Variants in AAMDC observed in about 807,000 individuals in gnomAD.
The protein encoded by AAMDC is adipogenesis associated Mth938 domain containing.
AAMDC carries 16 observed loss-of-function variants against 15.5 expected under a neutral mutation model. The ratio of observed to expected loss-of-function variants is 1.03; its 90% confidence interval spans 0.70 to 1.57. The LOEUF (loss-of-function observed/expected upper bound fraction) is 1.57, where lower values mean the gene tolerates loss of function less well. Ranked by LOEUF, AAMDC falls within the 40% of genes most tolerant of loss-of-function variation. The probability of loss-of-function intolerance (pLI) is 0.00; values close to 1 mark genes in which losing one functional copy is unlikely to be tolerated. For synonymous variants in AAMDC, 51 were observed against 51.6 expected, an observed-to-expected ratio of 0.99 and a Z score of 0.05; for missense variants, 141 against 144.9, an observed-to-expected ratio of 0.97 and a Z score of 0.14.
intron 2 of AAMDC, among the ~76,000 whole-genome samples, chr11:77,845,631 T>C (rs1489033270): frequency 6.6e-6 from 1 of 152,140 alleles, no homozygotes; most frequent in Middle Eastern, 3.2e-3. Flanking sequence ...GGTTTTACCA[T>C]GTTGGCCAGG....
intron 1 of AAMDC, among the ~76,000 whole-genome samples, chr11:77,828,046 G>A (rs562933878): frequency 1.3e-5 from 2 of 152,286 alleles, no homozygotes; most frequent in East Asian, 1.9e-4. Context: ...GGCGAGGTAG[G>A]TGGATCACTT....
intron 1 of AAMDC, among the ~76,000 whole-genome samples, chr11:77,824,743 G>A (rs932495839): frequency 7.9e-5 from 12 of 152,250 alleles, no homozygotes; most frequent in Admixed American, 5.2e-4. Context: ...GGCACAAGGG[G>A]ACTTTGTAGA....
chr11:77,848,690 G>T (rs1950246285), intron 2 of AAMDC, among the ~76,000 whole-genome samples: 1 of 152,172 alleles, frequency 6.6e-6, no homozygotes, highest in African/African-American at 2.4e-5. Flanking sequence ...CTTAAGCACA[G>T]AGAAGTTATA....
At chr11:77,843,903 C>A in intron 2 of AAMDC, among the ~76,000 whole-genome samples, 1 of 152,124 alleles carries the variant, frequency 6.6e-6, no homozygotes, top group East Asian at 1.9e-4. Context: ...TGGATGGTGG[C>A]AGGCAAAGAG....
chr11:77,826,951 A>C (rs1483595255), intron 1 of AAMDC, among the ~76,000 whole-genome samples: 1 of 152,116 alleles, frequency 6.6e-6, no homozygotes, highest in Non-Finnish European at 1.5e-5. Context: ...CTAAAAATAC[A>C]AAAATTAGCC....
intron 2 of AAMDC, among the ~76,000 whole-genome samples, chr11:77,853,146 G>T (rs1378086468): frequency 6.6e-6 from 1 of 152,158 alleles, no homozygotes; most frequent in Non-Finnish European, 1.5e-5. Flanking sequence ...CCGTATTTTA[G>T]TATTACTAAC....
intron 5 of AAMDC, among the ~76,000 whole-genome samples, chr11:77,892,467 G>A (rs577763319): frequency 6.6e-6 from 1 of 152,284 alleles, no homozygotes; most frequent in African/African-American, 2.4e-5. Context: ...GGGATTCAGA[G>A]CTCTCATCTT....
In AAMDC at chr11:77,869,764, G is replaced by C; in HGVS notation, c.175G>C (p.Glu59Gln). The change falls in exon 3 of 4, where the codon GAG (glutamate) becomes CAG (glutamine). Residue 59 changes from glutamate to glutamine, a missense_variant. Glu to Gln is a conservative substitution (Grantham distance 29, BLOSUM62 2). Coordinates refer to ENST00000393427, the MANE Select transcript of AAMDC (RefSeq NM_024684.4). ...VQPADVKEVVEKGVQTLVIGR... is the reference protein window; with the variant it reads ...VQPADVKEVVQKGVQTLVIGR... ...GCCTGCAGATGTGAAGGAAGTTGTTGAGAAGGGTGTACAGACTCTTGTGAT... is the reference window on the plus strand; with the variant it reads ...GCCTGCAGATGTGAAGGAAGTTGTTCAGAAGGGTGTACAGACTCTTGTGAT... 1 of 1,614,014 alleles carries C rather than the reference G, an allele frequency of 6.2e-7. No individual in the cohort carries two copies. The highest frequency in any genetic ancestry group is 8.5e-7 in the Non-Finnish European group (1 of 1,179,928).
At chr11:77,837,660 T>G (rs1590933603) in intron 1 of AAMDC, among the ~76,000 whole-genome samples, 1 of 152,302 alleles carries the variant, frequency 6.6e-6, no homozygotes, top group East Asian at 1.9e-4. Context: ...GGTCTTGAAC[T>G]CCTGACCTCA....
chr11:77,881,912 T>G (rs945305642), intron 5 of AAMDC, among the ~76,000 whole-genome samples: 3 of 138,426 alleles, frequency 2.2e-5, no homozygotes, highest in Non-Finnish European at 4.6e-5. Flanking sequence ...TTTCTGATGG[T>G]TTTTTTTTTT....
chr11:77,823,395 A>T (rs1184276581), intron 1 of AAMDC, among the ~76,000 whole-genome samples: 4 of 151,974 alleles, frequency 2.6e-5, no homozygotes, highest in Non-Finnish European at 5.9e-5. Flanking sequence ...CAAACGGGCA[A>T]GTGTATATCT....
intron 5 of AAMDC, among the ~76,000 whole-genome samples, chr11:77,893,958 CAG>C (rs1225210741): frequency 6.7e-6 from 1 of 150,318 alleles, no homozygotes; most frequent in Non-Finnish European, 1.5e-5. Context: ...TTGAAAAAAA[CAG>C]ATGACTAATG....
At chr11:77,861,348 T>G (rs993150024) in intron 2 of AAMDC, among the ~76,000 whole-genome samples, 4 of 152,232 alleles carry the variant, frequency 2.6e-5, no homozygotes, top group African/African-American at 9.6e-5. Flanking sequence ...AGTGACTGGC[T>G]GTCCTAGGAC....
intron 1 of AAMDC, chr11:77,840,988 T>A: frequency 2.0e-6 from 1 of 512,268 alleles, no homozygotes; most frequent in Non-Finnish European, 3.5e-6. Flanking sequence ...TAATTTAAAA[T>A]TTATAATGAA....
chr11:77,891,857 A>G (rs1952284102), intron 5 of AAMDC: 1 of 1,610,710 alleles, frequency 6.2e-7, no homozygotes, highest in Non-Finnish European at 8.5e-7. Context: ...GAACAAACAG[A>G]AGCAACTGAC....
chr11:77,904,484 C>T (rs779596223), downstream of AAMDC, among the ~76,000 whole-genome samples: 59 of 152,148 alleles, frequency 3.9e-4, no homozygotes, highest in Admixed American at 2.4e-3. Context: ...AATTAGTTTA[C>T]ATTTTCTCTT....
chr11:77,863,234 T>C (rs1950959507), intron 2 of AAMDC, among the ~76,000 whole-genome samples: 2 of 152,154 alleles, frequency 1.3e-5, no homozygotes, highest in African/African-American at 2.4e-5. Flanking sequence ...GCAGGAACAA[T>C]GGCAAGCCTT....
downstream of AAMDC, chr11:77,877,034 G>A (rs1158025248): frequency 1.4e-6 from 1 of 703,068 alleles, no homozygotes; most frequent in Admixed American, 2.0e-5. Flanking sequence ...GCACATCCTT[G>A]AGAGATGCAA....
chr11:77,877,185 A>C, downstream of AAMDC: 3 of 590,778 alleles, frequency 5.1e-6, no homozygotes, highest in Middle Eastern at 7.7e-4. Context: ...TGTGTGACCT[A>C]GGACAGGTTA....
Sources: allele counts gnomAD v4.1 joint callset (sites outside exome capture counted in the v4.1 genomes callset), GRCh38; gene constraint gnomAD v4.1.1; transcripts MANE v1.5; gene names NCBI Gene and HGNC (gene_info 2026-07-23, HGNC 2026-07-21).